Variants in CELF2 observed in about 807,000 individuals in gnomAD.
CELF2 encodes CUGBP Elav-like family member 2.
A neutral mutation model predicts 62.6 loss-of-function variants in CELF2; 8 were observed. The observed-to-expected ratio is 0.13, with a 90% CI of 0.07 to 0.23. The LOEUF (loss-of-function observed/expected upper bound fraction) is 0.23. CELF2 is among the 10% of genes least tolerant of loss of function. The probability of loss-of-function intolerance (pLI) is 1.00; values close to 1 mark genes in which losing one functional copy is unlikely to be tolerated. For synonymous variants in CELF2, 258 were observed against 250.0 expected, an observed-to-expected ratio of 1.03 and a Z score of -0.30; for missense variants, 333 against 671.0, an observed-to-expected ratio of 0.50 and a Z score of 5.56.
chr10:11,223,678 A>G lies in CELF2; in HGVS notation c.354+6171A>G, dbSNP rs2065586583. Among the ~76,000 whole-genome samples the G allele has an allele frequency of 6.6e-6, 1 of 152,196 alleles. No homozygotes were observed. The highest frequency in any genetic ancestry group is 2.4e-5 in the African/African-American group (1 of 41,454). The stretch of plus-strand genomic sequence containing the variant: ...GGTGCAGAAGCTCCCTTCCCCCTGC[A>G]GGAGTCACAGCAGTATGAAAGGGGT... On this transcript the variant is annotated intron_variant, in intron 3 of 12. Coordinates refer to ENST00000633077, the MANE Select transcript of CELF2 (RefSeq NM_001326342.2). This position sits in a 1 kb window ranked among gnomAD's most constrained non-coding sequence, Gnocchi z 5.1.
chr10:10,884,341 A>G (rs948243563), intron 1 of CELF2, among the ~76,000 whole-genome samples: 1 of 152,206 alleles, frequency 6.6e-6, no homozygotes, highest in Non-Finnish European at 1.5e-5. Context: ...CACTGTCAGA[A>G]GTGGTTTGGA....
At chr10:10,512,308 A>G in the CELF2 span, among the ~76,000 whole-genome samples, 1 of 152,040 alleles carries the variant, frequency 6.6e-6, no homozygotes, top group Non-Finnish European at 1.5e-5. Flanking sequence ...GTACCATACC[A>G]TCACAATAGA....
intron 1 of CELF2, among the ~76,000 whole-genome samples, chr10:11,048,555 A>G (rs1320956226): frequency 2.0e-5 from 3 of 152,240 alleles, no homozygotes; most frequent in Non-Finnish European, 4.4e-5. Flanking sequence ...CGTGTAAGGA[A>G]TATATTGACA....
Position 11,269,667 on chromosome 10 carries a change from G to A in CELF2, c.619-999G>A, listed in dbSNP as rs1471759554. ...CCACACAAAGGAGGAGAAGAGGCTG[G>A]GGAAGGAGGGGGAGACTTCTGCTGA... On this transcript the variant is annotated intron_variant, in intron 6 of 12. Transcript: ENST00000633077. The surrounding 1 kb of genome is among the most constrained non-coding windows in gnomAD (Gnocchi z 4.4). 6.8e-6 allele frequency among the ~76,000 whole-genome samples: 1 copy of A among 147,892 alleles called. No homozygotes were observed. Among genetic ancestry groups the A allele is most frequent in the Admixed American group, 6.8e-5 (1 of 14,718 alleles).
upstream of CELF2, among the ~76,000 whole-genome samples, chr10:11,004,758 A>G (rs1017856765): frequency 6.6e-6 from 1 of 152,096 alleles, no homozygotes; most frequent in Admixed American, 6.5e-5. This position sits in a 1 kb window ranked among gnomAD's most constrained non-coding sequence, Gnocchi z 5.0. Flanking sequence ...TCTCTATGCT[A>G]TGCATCTATG....
At chr10:10,866,309 C>T (rs958071256) in intron 1 of CELF2, among the ~76,000 whole-genome samples, 6 of 151,478 alleles carry the variant, frequency 4.0e-5, no homozygotes, top group East Asian at 1.9e-4. Context: ...TGAGGCTTTA[C>T]GAGTAAGAAA....
chr10:10,715,910 C>T, the CELF2 span, among the ~76,000 whole-genome samples: 4 of 152,298 alleles, frequency 2.6e-5, no homozygotes, highest in South Asian at 2.1e-4. Context: ...AATATTGAAC[C>T]TTTCTGCATA....
At chr10:10,531,503 A>G in the CELF2 span, among the ~76,000 whole-genome samples, 1 of 152,206 alleles carries the variant, frequency 6.6e-6, no homozygotes, top group Non-Finnish European at 1.5e-5. Context: ...ATACCTGACC[A>G]TATCCTCCAG....
In CELF2 at chr10:11,267,355, G is replaced by A. The variant is rs530221950; in HGVS notation, c.618+678G>A. ...CACCCTGGTGTGGATGCACACCCAC[G>A]AACCTAGATAGATGGCTCTGTACTT... On this transcript the variant is annotated intron_variant, in intron 6 of 12. Transcript: ENST00000633077. This position sits in a 1 kb window ranked among gnomAD's most constrained non-coding sequence, Gnocchi z 4.4. Among the ~76,000 whole-genome samples the A allele has an allele frequency of 3.3e-5, 5 of 152,306 alleles. No homozygotes were observed. The highest frequency in any genetic ancestry group is 4.8e-5 in the African/African-American group (2 of 41,564).
At chr10:10,757,764 C>T in the CELF2 span, among the ~76,000 whole-genome samples, 2 of 152,178 alleles carry the variant, frequency 1.3e-5, no homozygotes, top group Admixed American at 1.3e-4. Flanking sequence ...ACTTCCCTTT[C>T]TTTAGCAATG....
chr10:10,746,771 A>C, the CELF2 span, among the ~76,000 whole-genome samples: 63 of 152,354 alleles, frequency 4.1e-4, no homozygotes, highest in South Asian at 0.012. Context: ...ATGCTTTTAA[A>C]TTATTAAATG....
the CELF2 span, among the ~76,000 whole-genome samples, chr10:10,653,604 C>G: frequency 1.4e-4 from 19 of 133,292 alleles, no homozygotes; most frequent in African/African-American, 5.4e-4. Context: ...GAACAACCTG[C>G]TCCTGAATGA....
intron 1 of CELF2, among the ~76,000 whole-genome samples, chr10:10,837,788 A>G (rs2058402583): frequency 6.6e-6 from 1 of 151,998 alleles, no homozygotes; most frequent in South Asian, 2.1e-4. Flanking sequence ...TCCTGACCCA[A>G]TGGCCATGTT....
the CELF2 span, among the ~76,000 whole-genome samples, chr10:10,755,861 C>T: frequency 5.3e-5 from 8 of 152,118 alleles, no homozygotes; most frequent in Non-Finnish European, 2.9e-5. Flanking sequence ...GGATGCCAGA[C>T]GCACAACCAA....
At chr10:10,673,267 A>G in the CELF2 span, among the ~76,000 whole-genome samples, 4 of 152,038 alleles carry the variant, frequency 2.6e-5, no homozygotes, top group African/African-American at 4.8e-5. Flanking sequence ...ATCTGTATGT[A>G]TTGTCTTTTC....
chr10:10,881,624 G>A (rs961266673), intron 1 of CELF2, among the ~76,000 whole-genome samples: 15 of 152,188 alleles, frequency 9.9e-5, no homozygotes, highest in East Asian at 3.9e-4. Flanking sequence ...CTAAATTCCC[G>A]ATCTGACTTT....
At chr10:11,320,665 T>C (rs544207931) in intron 10 of CELF2, among the ~76,000 whole-genome samples, 8 of 152,142 alleles carry the variant, frequency 5.3e-5, no homozygotes, top group African/African-American at 1.9e-4. Flanking sequence ...GTTCCGAGAG[T>C]ACAGAACTTG....
chr10:11,111,700 T>C (rs2055214861), intron 1 of CELF2, among the ~76,000 whole-genome samples: 2 of 152,262 alleles, frequency 1.3e-5, no homozygotes, highest in African/African-American at 4.8e-5. Context: ...ATTGAAATCA[T>C]GTGGATGCAT....
At chr10:11,265,989 G>A (rs2248252) in intron 5 of CELF2, among the ~76,000 whole-genome samples, 15,453 of 152,128 alleles carry the variant, frequency 0.1, 1,451 homozygotes, top group African/African-American at 0.25. Flanking sequence ...ATTAAAAATT[G>A]CTAAATAGTT....
Sources: gnomAD v4.1 joint callset for allele counts (sites outside exome capture counted in the v4.1 genomes callset) on GRCh38, gnomAD v4.1.1 for gene constraint, Gnocchi (gnomAD v3.1) non-coding constraint, MANE v1.5 for transcripts, NCBI Gene and HGNC (gene_info 2026-07-23, HGNC 2026-07-21) for gene names.